The following LRP1B variants were observed in gnomAD, a reference collection of about 807,000 sequenced individuals.
The protein encoded by LRP1B is low-density lipoprotein receptor-related protein 1B.
In LRP1B, 217 loss-of-function variants were observed where a neutral mutation model predicts 556.6. The observed-to-expected ratio is 0.39, with a 90% CI of 0.35 to 0.44. The LOEUF is 0.44. Ranked by LOEUF, LRP1B falls within the 20% of genes least tolerant of loss-of-function variation. The pLI, the probability that LRP1B is intolerant of heterozygous loss-of-function variation, is 1.00. For missense variants in LRP1B, 5,053 were observed against 5,620.8 expected (o/e 0.90, Z 3.23); for synonymous variants, 2,047 against 1,865.8 (o/e 1.10, Z -2.50).
At chr2:142,020,730 A>G (rs1352167242) in intron 1 of LRP1B, among the ~76,000 whole-genome samples, 1 of 152,176 alleles carries the variant, frequency 6.6e-6, no homozygotes, top group East Asian at 1.9e-4. Flanking sequence ...TAAATAAAAA[A>G]AAGCCTTCCC....
chr2:142,130,049 G>A (rs1262879927), intron 1 of LRP1B, among the ~76,000 whole-genome samples: 5 of 152,036 alleles, frequency 3.3e-5, no homozygotes, highest in African/African-American at 9.7e-5. Context: ...CCTCATAATC[G>A]AAAAGTCAAT....
chr2:141,111,042 C>T (rs1700737820), intron 7 of LRP1B, among the ~76,000 whole-genome samples: 1 of 152,158 alleles, frequency 6.6e-6, no homozygotes, highest in Non-Finnish European at 1.5e-5. Flanking sequence ...GGCGAAGAGC[C>T]AGCCAGTCAC....
At chr2:141,503,754 C>G (rs777141667) in intron 2 of LRP1B, among the ~76,000 whole-genome samples, 18 of 152,026 alleles carry the variant, frequency 1.2e-4, no homozygotes, top group Non-Finnish European at 1.3e-4. Context: ...AACTGGAGAA[C>G]TAGGTATGTC....
At chr2:141,553,916 T>A (rs2105234676) in intron 2 of LRP1B, among the ~76,000 whole-genome samples, 1 of 135,048 alleles carries the variant, frequency 7.4e-6, no homozygotes, top group East Asian at 2.1e-4. Context: ...AGTTATATAA[T>A]ATATCTATAT....
At chr2:142,095,446 C>T (rs1201324832) in intron 1 of LRP1B, among the ~76,000 whole-genome samples, 1 of 151,766 alleles carries the variant, frequency 6.6e-6, no homozygotes, top group Middle Eastern at 3.4e-3. Flanking sequence ...ACATAAACAA[C>T]CATTTAACCT....
At chr2:140,804,176 A>T (rs1261639919) in intron 32 of LRP1B, among the ~76,000 whole-genome samples, 1 of 152,126 alleles carries the variant, frequency 6.6e-6, no homozygotes, top group Non-Finnish European at 1.5e-5. Flanking sequence ...TTTTCAAATT[A>T]TCAGACTCCC....
At chr2:141,770,721 C>T (rs1442880345) in intron 2 of LRP1B, among the ~76,000 whole-genome samples, 2 of 152,196 alleles carry the variant, frequency 1.3e-5, no homozygotes, top group Non-Finnish European at 2.9e-5. Flanking sequence ...CAGTGAGGCG[C>T]CACCTCCCTA....
At chr2:141,499,025 T>C (rs1311287521) in intron 2 of LRP1B, among the ~76,000 whole-genome samples, 1 of 152,128 alleles carries the variant, frequency 6.6e-6, no homozygotes, top group Non-Finnish European at 1.5e-5. Context: ...TTAATGTCTC[T>C]ACTCTGATCT....
At chr2:140,532,210 C>A (rs1180941452) in intron 47 of LRP1B, among the ~76,000 whole-genome samples, 2 of 152,094 alleles carry the variant, frequency 1.3e-5, no homozygotes, top group African/African-American at 4.8e-5. Context: ...GTTTCGTTAA[C>A]ACAATCCTAT....
intron 1 of LRP1B, among the ~76,000 whole-genome samples, chr2:142,087,414 T>C (rs1705986011): frequency 1.3e-5 from 2 of 152,016 alleles, no homozygotes; most frequent in South Asian, 2.1e-4. Context: ...ATATTCAGGA[T>C]TATTTACATG....
chr2:141,673,989 A>G (rs1690778415), intron 2 of LRP1B, among the ~76,000 whole-genome samples: 1 of 152,028 alleles, frequency 6.6e-6, no homozygotes, highest in Non-Finnish European at 1.5e-5. Flanking sequence ...AATGTAGCAA[A>G]TGCAGAAGCT....
chr2:141,919,688 T>G (rs1700130410), intron 1 of LRP1B, among the ~76,000 whole-genome samples: 1 of 152,050 alleles, frequency 6.6e-6, no homozygotes, highest in Non-Finnish European at 1.5e-5. Context: ...TGCAGTATAT[T>G]ATGGCTACGC....
intron 14 of LRP1B, among the ~76,000 whole-genome samples, chr2:141,009,021 A>T (rs535995330): frequency 6.6e-6 from 1 of 152,120 alleles, no homozygotes; most frequent in East Asian, 1.9e-4. Flanking sequence ...GCGCAAAAGA[A>T]TTCCATTGTT....
chr2:141,061,164 C>T (rs1273366783), intron 8 of LRP1B, among the ~76,000 whole-genome samples: 1 of 151,688 alleles, frequency 6.6e-6, no homozygotes, highest in Non-Finnish European at 1.5e-5. Context: ...CCACCTTTAA[C>T]ATTGAACAGG....
At chr2:140,273,031 C>G (rs890130898) in intron 85 of LRP1B, among the ~76,000 whole-genome samples, 1 of 151,856 alleles carries the variant, frequency 6.6e-6, no homozygotes, top group African/African-American at 2.4e-5. Flanking sequence ...GACCCTGATC[C>G]CTGCCCTTTC....
At chr2:141,819,454 C>A (rs949036919) in intron 1 of LRP1B, among the ~76,000 whole-genome samples, 1 of 152,124 alleles carries the variant, frequency 6.6e-6, no homozygotes, top group African/African-American at 2.4e-5. Flanking sequence ...TTCAGGGCTA[C>A]AGGACACTAT....
chr2:140,502,510 G>T (rs1040354475), intron 54 of LRP1B, among the ~76,000 whole-genome samples: 1 of 151,860 alleles, frequency 6.6e-6, no homozygotes, highest in East Asian at 1.9e-4. Flanking sequence ...TTTAGCATTT[G>T]GAATAGAGAA....
intron 74 of LRP1B, among the ~76,000 whole-genome samples, chr2:140,357,254 A>T (rs1316629132): frequency 3.3e-5 from 5 of 150,958 alleles, no homozygotes; most frequent in African/African-American, 1.2e-4. Context: ...AACCCCACTG[A>T]CTTGAATATT....
intron 35 of LRP1B, among the ~76,000 whole-genome samples, chr2:140,748,783 T>TC (rs1308222860): frequency 1.8e-5 from 1 of 56,206 alleles, no homozygotes; most frequent in Non-Finnish European, 4.0e-5. Context: ...AATATGTATA[T>TC]AATATATATT....
Sources: gnomAD v4.1 joint callset for allele counts (sites outside exome capture counted in the v4.1 genomes callset) on GRCh38, gnomAD v4.1.1 for gene constraint, MANE v1.5 for transcripts, NCBI Gene and HGNC (gene_info 2026-07-23, HGNC 2026-07-21) for gene names.